ICA1L: variants seen among roughly 807,000 people sequenced by gnomAD.
ICA1L encodes islet cell autoantigen 1-like protein.
ICA1L carries 50 observed loss-of-function variants against 61.3 expected under a neutral mutation model. The ratio of observed to expected loss-of-function variants is 0.82; its 90% confidence interval spans 0.65 to 1.03. ICA1L has a LOEUF of 1.03. Ranked by LOEUF, ICA1L falls within the 50% of genes least tolerant of loss-of-function variation. The pLI is 0.00. For missense variants in ICA1L, 508 were observed against 556.7 expected, an observed-to-expected ratio of 0.91 and a Z score of 0.88; for synonymous variants, 161 against 191.3, an observed-to-expected ratio of 0.84 and a Z score of 1.31.
Position 202,776,220 on chromosome 2 carries a change from C to G in ICA1L, c.*3313G>C, listed in dbSNP as rs1177733709. 6.6e-6 allele frequency: 1 copy of G among 151,750 alleles called. No individual in the cohort carries two copies. The highest frequency in any genetic ancestry group is 2.4e-5 in the African/African-American group (1 of 41,046). 9.4% of individuals were successfully genotyped at this position (151,750 alleles called of 1,614,324 possible). ...ATTAATGAAGGATTTCAAAAACATACAAAATTACACCAATCTGATCTTATT... is the reference window on the plus strand; with the variant it reads ...ATTAATGAAGGATTTCAAAAACATAGAAAATTACACCAATCTGATCTTATT... On this transcript the variant is annotated 3_prime_UTR_variant, in exon 13 of 13. Coordinates refer to ENST00000358299, the MANE Select transcript of ICA1L (RefSeq NM_001288622.3).
At chr2:202,861,062 T>A (rs576231034) in intron 1 of ICA1L, among the ~76,000 whole-genome samples, 1 of 151,704 alleles carries the variant, frequency 6.6e-6, no homozygotes, top group South Asian at 2.1e-4. Flanking sequence ...AAACTCCGTC[T>A]CTACTAAAAA....
At chr2:202,866,862 G>A (rs1223917850) in intron 1 of ICA1L, among the ~76,000 whole-genome samples, 4 of 152,018 alleles carry the variant, frequency 2.6e-5, no homozygotes, top group Non-Finnish European at 4.4e-5. Context: ...CAGGAGAATC[G>A]CTTGAACCTA....
intron 11 of ICA1L, 115 bp downstream of exon 11, chr2:202,788,715 G>C (rs899583005): frequency 2.0e-6 from 2 of 1,014,614 alleles, no homozygotes; most frequent in Admixed American, 2.3e-5. Context: ...ATTTTATCTA[G>C]TAGTGCTGAC....
At chr2:202,828,827 A>G (rs1693923347) in intron 2 of ICA1L, 21 bp downstream of exon 2, 1 of 1,605,460 alleles carries the variant, frequency 6.2e-7, no homozygotes. Flanking sequence ...TATATGCAAT[A>G]CATAGAATCC....
At chr2:202,842,642 A>C (rs1694363807) in intron 1 of ICA1L, among the ~76,000 whole-genome samples, 1 of 152,178 alleles carries the variant, frequency 6.6e-6, no homozygotes, top group Non-Finnish European at 1.5e-5. Context: ...TTCAGGTTGA[A>C]TCTGATTGGA....
intron 9 of ICA1L, among the ~76,000 whole-genome samples, chr2:202,806,240 G>C (rs1014807841): frequency 6.6e-6 from 1 of 152,116 alleles, no homozygotes; most frequent in African/African-American, 2.4e-5. Context: ...ACTTTGTCTT[G>C]CAACTTGGAT....
intron 10 of ICA1L, among the ~76,000 whole-genome samples, 198 bp downstream of exon 10, chr2:202,796,692 C>T (rs1483828177): frequency 6.6e-6 from 1 of 152,124 alleles, no homozygotes; most frequent in Non-Finnish European, 1.5e-5. Flanking sequence ...CCTGGTTATA[C>T]GGATACGTTC....
chr2:202,816,972 AGCCAACATT>A (rs1355404674), intron 6 of ICA1L, among the ~76,000 whole-genome samples: 2 of 152,218 alleles, frequency 1.3e-5, no homozygotes, highest in African/African-American at 4.8e-5. Context: ...TTGGTTTCTA[AGCCAACATT>A]GCCGTTCACT....
chr2:202,848,307 A>C (rs1694522087), intron 1 of ICA1L, among the ~76,000 whole-genome samples: 1 of 152,200 alleles, frequency 6.6e-6, no homozygotes, highest in Admixed American at 6.5e-5. Flanking sequence ...TGAAAGTGCC[A>C]ACATTAGGCC....
intron 1 of ICA1L, among the ~76,000 whole-genome samples, chr2:202,866,151 A>C (rs1010184401): frequency 2.0e-5 from 3 of 152,206 alleles, no homozygotes; most frequent in Non-Finnish European, 4.4e-5. Context: ...TCCAAATTTC[A>C]TGTTGACATG....
At chr2:202,813,842 G>C (rs770164134) in intron 8 of ICA1L, among the ~76,000 whole-genome samples, 9 of 152,212 alleles carry the variant, frequency 5.9e-5, no homozygotes, top group Non-Finnish European at 1.0e-4. Context: ...CAGGTAACCA[G>C]TCCCAGTCCT....
intron 1 of ICA1L, among the ~76,000 whole-genome samples, chr2:202,842,074 C>G (rs113013860): frequency 4.6e-5 from 7 of 152,054 alleles, no homozygotes; most frequent in African/African-American, 1.7e-4. Context: ...AGGCTGGTCT[C>G]GAACTCCTGA....
At chr2:202,809,878 T>C (rs1017112991) in intron 9 of ICA1L, among the ~76,000 whole-genome samples, 2 of 152,146 alleles carry the variant, frequency 1.3e-5, no homozygotes, top group Non-Finnish European at 2.9e-5. Flanking sequence ...ATAAGAGTTA[T>C]TGGCTTTAAA....
intron 1 of ICA1L, 68 bp from the exon 2 acceptor site, chr2:202,829,084 C>A: frequency 7.4e-7 from 1 of 1,344,826 alleles, no homozygotes; most frequent in Non-Finnish European, 1.0e-6. Flanking sequence ...CACGGTGGCT[C>A]ACGCCTGTAA....
intron 1 of ICA1L, among the ~76,000 whole-genome samples, chr2:202,842,547 G>A (rs1333509062): frequency 6.6e-6 from 1 of 152,176 alleles, no homozygotes; most frequent in Non-Finnish European, 1.5e-5. Context: ...TCCTTTGTAT[G>A]TGATTTGCTT....
chr2:202,847,120 T>C (rs533427040), intron 1 of ICA1L, among the ~76,000 whole-genome samples: 61 of 152,358 alleles, frequency 4.0e-4, no homozygotes, highest in Middle Eastern at 3.4e-3. Context: ...TGTAGAGACC[T>C]GTTTAGCAGA....
intron 1 of ICA1L, among the ~76,000 whole-genome samples, chr2:202,833,829 A>T (rs1389808668): frequency 6.6e-6 from 1 of 152,180 alleles, no homozygotes; most frequent in Non-Finnish European, 1.5e-5. Context: ...CTGAAAGACA[A>T]ATACCACATG....
At chr2:202,843,032 G>A (rs1694373146) in intron 1 of ICA1L, among the ~76,000 whole-genome samples, 1 of 151,940 alleles carries the variant, frequency 6.6e-6, no homozygotes, top group Admixed American at 6.6e-5. Flanking sequence ...GTCATCTATT[G>A]TTTTGCTGAT....
At chr2:202,838,448 T>C (rs1438495847) in intron 1 of ICA1L, among the ~76,000 whole-genome samples, 1 of 152,236 alleles carries the variant, frequency 6.6e-6, no homozygotes, top group Non-Finnish European at 1.5e-5. Context: ...CCATTTGGTC[T>C]AAAATGTAGT....
Sources: gnomAD v4.1 joint callset for allele counts (sites outside exome capture counted in the v4.1 genomes callset) on GRCh38, gnomAD v4.1.1 for gene constraint, MANE v1.5 for transcripts, NCBI Gene and HGNC (gene_info 2026-07-23, HGNC 2026-07-21) for gene names.